The following PCDHGA7 variants were observed in gnomAD, a reference collection of about 807,000 sequenced individuals.
The protein encoded by PCDHGA7 is protocadherin gamma-A7.
PCDHGA7 carries 44 observed loss-of-function variants against 58.3 expected under a neutral mutation model. The ratio of observed to expected loss-of-function variants is 0.75; its 90% CI spans 0.59 to 0.97. The LOEUF (loss-of-function observed/expected upper bound fraction) is 0.97. Ranked by LOEUF, PCDHGA7 falls within the 50% of genes least tolerant of loss-of-function variation. PCDHGA7 has a pLI of 0.00. For synonymous variants in PCDHGA7, 516 were observed against 504.2 expected, an observed-to-expected ratio of 1.02 and a Z score of -0.31; for missense variants, 1,266 against 1,188.7, an observed-to-expected ratio of 1.06 and a Z score of -0.96.
intron 1 of PCDHGA7, chr5:141,396,447 C>A: frequency 6.6e-6 from 1 of 152,186 alleles, no homozygotes. Flanking sequence ...GGTGAAACCC[C>A]GTCTCTACTA....
chr5:141,455,577 C>T (rs1000865176), intron 1 of PCDHGA7, among the ~76,000 whole-genome samples: 3 of 152,120 alleles, frequency 2.0e-5, no homozygotes, highest in East Asian at 1.9e-4. Context: ...CCCACCCCAG[C>T]CTTTTAATAT....
chr5:141,494,937 G>C (rs759078748), intron 2 of PCDHGA7, 72 bp downstream of exon 2: 1 of 1,612,276 alleles, frequency 6.2e-7, no homozygotes, highest in African/African-American at 1.3e-5. Flanking sequence ...GAGGAGATGG[G>C]GGAGGGCCCA....
At chr5:141,501,470 TG>T (rs1206698871) in intron 2 of PCDHGA7, among the ~76,000 whole-genome samples, 1 of 152,068 alleles carries the variant, frequency 6.6e-6, no homozygotes, top group African/African-American at 2.4e-5. Flanking sequence ...CCCCAAATCC[TG>T]GAAGAGTCCC....
At chr5:141,439,996 G>C (rs1156373511) in intron 1 of PCDHGA7, 1 of 153,262 alleles carries the variant, frequency 6.5e-6, no homozygotes, top group African/African-American at 2.4e-5. Flanking sequence ...GTTTGGTGGT[G>C]GGAAACCTTG....
intron 1 of PCDHGA7, chr5:141,408,114 C>G: frequency 6.8e-7 from 1 of 1,461,086 alleles, no homozygotes; most frequent in East Asian, 2.5e-5. Flanking sequence ...CGGGACTCCT[C>G]CTGTCCTGGG....
rs779065098 is a variant in PCDHGA7, at chr5:141,491,758, C to G, written c.2425-3049C>G. The G allele has an allele frequency of 1.9e-6, 3 of 1,578,788 alleles. No individual in the cohort carries two copies. The highest frequency in any genetic ancestry group is 1.7e-4 in the Middle Eastern group (1 of 5,954). ...TGGGGGCGGCACTGGAGAAGCCGCCCGTCCTCATAAGGGATTGAACTTGCA... is the reference window on the plus strand; with the variant it reads ...TGGGGGCGGCACTGGAGAAGCCGCCGGTCCTCATAAGGGATTGAACTTGCA... On this transcript the variant is annotated intron_variant, in intron 1 of 3. Transcript: ENST00000518325. This position sits in a 1 kb window ranked among gnomAD's most constrained non-coding sequence, Gnocchi z 6.9.
chr5:141,489,427 C>G lies in PCDHGA7; in HGVS notation c.2425-5380C>G, dbSNP rs370540900. ...AAAGATGACAGATCTGTTGAGCCGG[C>G]GGCTGCAATTGGGCTCTGAGGAGAA... On this transcript the variant is annotated intron_variant, in intron 1 of 3. Transcript: ENST00000518325. The surrounding 1 kb of genome is among the most constrained non-coding windows in gnomAD (Gnocchi z 4.5). 6.2e-7 allele frequency: 1 copy of G among 1,614,108 alleles called. No homozygotes were observed. Among genetic ancestry groups the G allele is most frequent in the South Asian group, 1.1e-5 (1 of 91,086 alleles).
rs1214853229 is a variant in PCDHGA7 at position 141,432,238 on chromosome 5, GAA to G, written c.2424+46916_2424+46917del. ...CCCAGATCACTTATTCCCTGGCTGA[GAA>G]CACCATCCAAGGGGCAAGCCTATCG... On this transcript the variant is annotated intron_variant, in intron 1 of 3. Coordinates refer to ENST00000518325, the MANE Select transcript of PCDHGA7 (RefSeq NM_018920.4). The surrounding 1 kb of genome is among the most constrained non-coding windows in gnomAD (Gnocchi z 6.0). 1 of 1,614,216 alleles carries G rather than the reference GAA, an allele frequency of 6.2e-7. No homozygotes were observed. The highest frequency in any genetic ancestry group is 2.2e-5 in the East Asian group (1 of 44,882).
chr5:141,421,383 C>A lies in PCDHGA7; in HGVS notation c.2424+36060C>A, dbSNP rs754951142. The A allele has an allele frequency of 2.5e-6, 4 of 1,614,034 alleles. 1 individual carries two copies. The highest frequency in any genetic ancestry group is 8.5e-7 in the Non-Finnish European group (1 of 1,179,910). On this transcript the variant is annotated intron_variant, in intron 1 of 3. Transcript: ENST00000518325. ...CCTTCGTGGGCAATATCTCCAAGGA[C>A]CTGGGGCTGGAGCCCCGGGAGCTGG...
At chr5:141,419,972 C>T (rs534128024) in intron 1 of PCDHGA7, 3 of 1,613,948 alleles carry the variant, frequency 1.9e-6, no homozygotes, top group South Asian at 1.1e-5. Flanking sequence ...GCTCTTTCTC[C>T]TCGCGGTGAT....
chr5:141,398,092 T>C (rs748472174), intron 1 of PCDHGA7: 19 of 1,598,994 alleles, frequency 1.2e-5, no homozygotes, highest in Non-Finnish European at 1.6e-5. Flanking sequence ...ACCTGGCGTC[T>C]CCAGGCTGGT....
chr5:141,448,232 T>A (rs917554207), intron 1 of PCDHGA7, among the ~76,000 whole-genome samples: 1 of 152,094 alleles, frequency 6.6e-6, no homozygotes, highest in Admixed American at 6.6e-5. Context: ...ATGTGTGGGG[T>A]TTTCTTTGCA....
At position 141,410,196 on chromosome 5, in the gene PCDHGA7, C is replaced by A. The variant is rs773310778; in HGVS notation, c.2424+24873C>A. 7.4e-6 allele frequency: 12 copies of A among 1,613,866 alleles called. No individual in the cohort carries two copies. In the South Asian group the frequency reaches 1.2e-4, roughly 16 times the overall value. On this transcript the variant is annotated intron_variant, in intron 1 of 3. Transcript: ENST00000518325. ...ACCGCCACGCTTCATCTGGTCTTCG[C>A]AGACAACTTGCAAGAGATACTGCCA... is the stretch of plus-strand genomic sequence containing the variant.
rs769758778 is a variant in PCDHGA7 at position 141,383,159 on chromosome 5, C to G, written c.260C>G (p.Ala87Gly). Reference sequence around the variant, plus strand: ...CAGCGCAGCGGCAGCTTGGTCACTGCGGGCAGGATAGACCGGGAAGAGATC... The same window carrying G: ...CAGCGCAGCGGCAGCTTGGTCACTGGGGGCAGGATAGACCGGGAAGAGATC... ...LNQRSGSLVTAGRIDREEICA... is the reference protein window; with the variant it reads ...LNQRSGSLVTGGRIDREEICA... The change falls in exon 1 of 4, where the codon GCG (alanine) becomes GGG (glycine). Residue 87 changes from alanine to glycine, a missense_variant. Transcript: ENST00000518325. 42 of 1,613,986 alleles carry G rather than the reference C, an allele frequency of 2.6e-5. No individual in the cohort carries two copies. The highest frequency in any genetic ancestry group is 3.5e-5 in the Non-Finnish European group (41 of 1,179,982).
Position 141,490,629 on chromosome 5 carries a change from C to T in PCDHGA7, c.2425-4178C>T, listed in dbSNP as rs1174984711. 1.2e-6 allele frequency: 2 copies of T among 1,614,214 alleles called. No individual in the cohort carries two copies. Among genetic ancestry groups the T allele is most frequent in the East Asian group, 2.2e-5 (1 of 44,882 alleles). On this transcript the variant is annotated intron_variant, in intron 1 of 3. Coordinates refer to ENST00000518325, the MANE Select transcript of PCDHGA7 (RefSeq NM_018920.4). This position sits in a 1 kb window ranked among gnomAD's most constrained non-coding sequence, Gnocchi z 5.4. ...ACCAGCAGCTTTACACTGCTTACAT[C>T]CTAGAAAACCGGCCTCCGGGCTCCC...
intron 1 of PCDHGA7, chr5:141,430,850 A>T (rs1204872595): frequency 6.3e-7 from 1 of 1,582,670 alleles, no homozygotes; most frequent in South Asian, 1.2e-5. Context: ...ATGCACCCAG[A>T]TACGCTATTC....
At position 141,384,450 on chromosome 5, in the gene PCDHGA7, G is replaced by A. The variant is rs756281053; in HGVS notation, c.1551G>A (p.Leu517=). The change falls in exon 1 of 4, where the codon CTG becomes CTA. Residue 517 remains leucine (L), a synonymous_variant. Coordinates refer to ENST00000518325, the MANE Select transcript of PCDHGA7 (RefSeq NM_018920.4). The part of the protein sequence containing the change: ...INSDTGVLYA[L]QSFDYEQLRE... ...CTGACACTGGAGTCCTGTACGCGCT[G>A]CAATCCTTTGATTATGAGCAGTTGA... is the stretch of plus-strand genomic sequence containing the variant. 4 of 1,614,040 alleles carry A rather than the reference G, an allele frequency of 2.5e-6. No homozygotes were observed. In the Admixed American group the frequency reaches 6.7e-5, roughly 27 times the overall value.
intron 1 of PCDHGA7, chr5:141,403,462 C>A: frequency 6.2e-7 from 1 of 1,614,050 alleles, no homozygotes; most frequent in South Asian, 1.1e-5. Flanking sequence ...TCCAGAGCTA[C>A]CAGCTCAGCC....
intron 1 of PCDHGA7, chr5:141,430,693 C>A: frequency 1.4e-6 from 2 of 1,425,428 alleles, no homozygotes; most frequent in Admixed American, 2.6e-5. Context: ...ATTCTATGGG[C>A]GAAGGAACTG....
Sources: allele counts gnomAD v4.1 joint callset (sites outside exome capture counted in the v4.1 genomes callset), GRCh38; gene constraint gnomAD v4.1.1; non-coding constraint Gnocchi (gnomAD v3.1); transcripts MANE v1.5; gene names NCBI Gene and HGNC (gene_info 2026-07-23, HGNC 2026-07-21).